The following OVCH1 variants were observed in gnomAD, a reference collection of about 807,000 sequenced individuals.
OVCH1 encodes the protein ovochymase-1.
OVCH1 carries 139 observed loss-of-function variants against 138.4 expected under a neutral mutation model. The observed-to-expected ratio is 1.00, with a 90% CI of 0.87 to 1.16. The LOEUF is 1.16. Among genes scored for constraint, OVCH1 ranks in the 50% most tolerant of loss-of-function variants. The pLI is 0.00. For missense variants in OVCH1, 1,367 were observed against 1,357.9 expected (o/e 1.01, Z -0.11); for synonymous variants, 453 against 467.8 (o/e 0.97, Z 0.41).
intron 26 of OVCH1, among the ~76,000 whole-genome samples, chr12:29,434,374 G>C (rs897450669): frequency 1.3e-5 from 2 of 152,090 alleles, no homozygotes; most frequent in Non-Finnish European, 2.9e-5. Context: ...TTTAGCATGA[G>C]GCCTCCACAG....
intron 22 of OVCH1, among the ~76,000 whole-genome samples, chr12:29,449,276 TACACAC>T (rs10651165): frequency 0.031 from 4,289 of 137,332 alleles, 115 homozygotes; most frequent in African/African-American, 0.07. Flanking sequence ...CCCCCCTCCC[TACACAC>T]ACACACACAC....
chr12:29,486,379 C>A, intron 7 of OVCH1, 31 bp from the exon 8 acceptor site: 2 of 1,454,074 alleles, frequency 1.4e-6, no homozygotes, highest in Non-Finnish European at 1.9e-6. Context: ...TAGTGCCTTT[C>A]CCAATAATAA....
intron 27 of OVCH1, chr12:29,427,669 GT>G (rs1421760131): frequency 1.3e-6 from 2 of 1,547,742 alleles, no homozygotes; most frequent in South Asian, 2.4e-5. Flanking sequence ...AATATTTGTT[GT>G]TTGGAAACCA....
downstream of OVCH1, among the ~76,000 whole-genome samples, chr12:29,408,999 C>T (rs1239092655): frequency 6.6e-6 from 1 of 152,088 alleles, no homozygotes; most frequent in Non-Finnish European, 1.5e-5. Context: ...TGTTATTGGT[C>T]TATTCAGAGA....
chr12:29,413,457 G>A (rs1175439143), intron 3 of OVCH1, among the ~76,000 whole-genome samples: 1 of 152,174 alleles, frequency 6.6e-6, no homozygotes. Context: ...ATCATGTGAG[G>A]AATGGGGAAG....
chr12:29,439,526 A>G, intron 25 of OVCH1: 1 of 1,344,754 alleles, frequency 7.4e-7, no homozygotes, highest in Non-Finnish European at 9.5e-7. Flanking sequence ...ACTAAAGGAA[A>G]AATCTCTATC....
chr12:29,451,629 A>T, intron 21 of OVCH1, 60 bp from the exon 22 acceptor site: 1 of 1,332,484 alleles, frequency 7.5e-7, no homozygotes, highest in East Asian at 2.5e-5. Context: ...GAAAAACCAG[A>T]TTCTATCACA....
chr12:29,423,166 A>T (rs147428954), downstream of OVCH1: 45 of 448,372 alleles, frequency 1.0e-4, no homozygotes, highest in African/African-American at 8.7e-4. Flanking sequence ...CTCTTCTGTG[A>T]TTGCTCCTGA....
the OVCH1 span, among the ~76,000 whole-genome samples, chr12:29,405,760 A>G: frequency 6.2e-4 from 95 of 152,348 alleles, 1 homozygote; most frequent in African/African-American, 2.1e-3. Flanking sequence ...TGATGATGCA[A>G]TCAGTACAAT....
chr12:29,471,697 T>C (rs11050247), intron 16 of OVCH1, 105 bp downstream of exon 16: 174,648 of 1,243,568 alleles, frequency 0.14, 13,067 homozygotes, highest in African/African-American at 0.22. Context: ...AGAAGATTCT[T>C]GCTCTAGAAT....
intron 18 of OVCH1, among the ~76,000 whole-genome samples, chr12:29,462,419 A>G (rs931559231): frequency 4.0e-5 from 6 of 149,188 alleles, no homozygotes; most frequent in African/African-American, 1.5e-4. Context: ...CTTACAAATA[A>G]TATGCTTATA....
At chr12:29,436,098 G>A (rs963033584) in intron 26 of OVCH1, among the ~76,000 whole-genome samples, 1 of 151,792 alleles carries the variant, frequency 6.6e-6, no homozygotes, top group African/African-American at 2.4e-5. Context: ...AAAATTATGT[G>A]ACAATATTTT....
chr12:29,455,306 G>T, exon 20 of OVCH1: 2 of 1,613,802 alleles, frequency 1.2e-6, no homozygotes, highest in Non-Finnish European at 1.7e-6. Flanking sequence ...AATACACCCG[G>T]CTTCCATGGC....
downstream of OVCH1, among the ~76,000 whole-genome samples, chr12:29,422,617 C>G (rs956860342): frequency 6.5e-4 from 99 of 152,286 alleles, no homozygotes; most frequent in East Asian, 7.7e-4. Flanking sequence ...CATAAACTAA[C>G]AAATTAATTA....
At chr12:29,477,774 T>A (rs1942792830) in intron 9 of OVCH1, among the ~76,000 whole-genome samples, 1 of 152,222 alleles carries the variant, frequency 6.6e-6, no homozygotes, top group Non-Finnish European at 1.5e-5. Flanking sequence ...CTACCTTTTT[T>A]GAATCAGCGC....
intron 27 of OVCH1, chr12:29,430,983 A>G (rs979853759): frequency 2.1e-6 from 1 of 484,006 alleles, no homozygotes; most frequent in Non-Finnish European, 4.1e-6. Flanking sequence ...TCCCAAGGCT[A>G]TGATTGTATT....
chr12:29,409,244 C>G (rs1476858682), downstream of OVCH1, among the ~76,000 whole-genome samples: 2 of 151,852 alleles, frequency 1.3e-5, no homozygotes, highest in Non-Finnish European at 2.9e-5. Flanking sequence ...TTTGTTGATC[C>G]TTTCAAAAAA....
chr12:29,460,722 A>T (rs1389330492), intron 19 of OVCH1, among the ~76,000 whole-genome samples: 2 of 151,996 alleles, frequency 1.3e-5, no homozygotes, highest in Non-Finnish European at 2.9e-5. Context: ...ACTATGGCAG[A>T]TGGCTTAATA....
At chr12:29,464,072 T>C (rs1942232338) in intron 18 of OVCH1, among the ~76,000 whole-genome samples, 1 of 152,192 alleles carries the variant, frequency 6.6e-6, no homozygotes, top group Non-Finnish European at 1.5e-5. Context: ...TTTTAGGTGG[T>C]TGAAGAAAAT....
Sources: allele counts gnomAD v4.1 joint callset (sites outside exome capture counted in the v4.1 genomes callset), GRCh38; gene constraint gnomAD v4.1.1; transcripts MANE v1.5; gene names NCBI Gene and HGNC (gene_info 2026-07-23, HGNC 2026-07-21).